Variants in WT1 observed in about 807,000 individuals in gnomAD.
WT1 encodes the protein WT1 transcription factor, also known as Wilms tumor protein.
A neutral mutation model predicts 60.8 loss-of-function variants in WT1; 8 were observed. The observed-to-expected ratio is 0.13, with a 90% CI of 0.08 to 0.24. The LOEUF (loss-of-function observed/expected upper bound fraction) is 0.24. WT1 is among the 10% of genes least tolerant of loss of function. WT1 has a pLI of 1.00. For synonymous variants in WT1, 312 were observed against 297.1 expected, an observed-to-expected ratio of 1.05 and a Z score of -0.52; for missense variants, 568 against 711.8, an observed-to-expected ratio of 0.80 and a Z score of 2.30.
At chr11:32,417,833 T>C (rs1590375906) in intron 3 of WT1, among the ~76,000 whole-genome samples, 179 bp from the exon 4 acceptor site, 1 of 152,342 alleles carries the variant, frequency 6.6e-6, no homozygotes. Context: ...TGCACAGTTA[T>C]ACACTTCATA....
chr11:32,432,716 G>A (rs11031781), intron 1 of WT1, among the ~76,000 whole-genome samples: 46,907 of 151,978 alleles, frequency 0.31, 9,771 homozygotes, highest in African/African-American at 0.59. Context: ...GAAGTGTAAT[G>A]CCTGCTGGCT....
intron 3 of WT1, among the ~76,000 whole-genome samples, chr11:32,419,157 T>A (rs1040567847): frequency 2.0e-5 from 3 of 152,236 alleles, no homozygotes; most frequent in African/African-American, 7.2e-5. Flanking sequence ...ATTCTTGCTG[T>A]AAGGCTGGAG....
intron 3 of WT1, among the ~76,000 whole-genome samples, chr11:32,417,894 G>C (rs1852729744): frequency 6.6e-6 from 1 of 152,108 alleles, no homozygotes; most frequent in Non-Finnish European, 1.5e-5. Context: ...TAAAACCTTT[G>C]TATAGCAACT....
intron 7 of WT1, among the ~76,000 whole-genome samples, chr11:32,395,331 T>C (rs1469359476): frequency 6.6e-6 from 1 of 152,210 alleles, no homozygotes; most frequent in Non-Finnish European, 1.5e-5. Flanking sequence ...GAGTAAACGT[T>C]CTGTGACATG....
chr11:32,415,340 T>A (rs1278811476), intron 5 of WT1, among the ~76,000 whole-genome samples: 1 of 151,698 alleles, frequency 6.6e-6, no homozygotes, highest in Non-Finnish European at 1.5e-5. Context: ...GCCAAGGAAC[T>A]TAAGACGAGT....
At chr11:32,414,126 A>C (rs1323822741) in intron 5 of WT1, among the ~76,000 whole-genome samples, 1 of 152,240 alleles carries the variant, frequency 6.6e-6, no homozygotes, top group Non-Finnish European at 1.5e-5. Flanking sequence ...GTGTGAGAGA[A>C]GATGGTAGGC....
intron 5 of WT1, among the ~76,000 whole-genome samples, chr11:32,412,920 C>T (rs1021190506): frequency 4.6e-5 from 7 of 151,946 alleles, no homozygotes; most frequent in Non-Finnish European, 7.4e-5. Flanking sequence ...GTATATCCCA[C>T]CTCTAACACA....
chr11:32,428,925 A>G, intron 1 of WT1: 2 of 452,684 alleles, frequency 4.4e-6, no homozygotes, highest in Non-Finnish European at 8.2e-6. Flanking sequence ...CCCCTGGCAA[A>G]TTAAGTATAA....
chr11:32,396,521 A>G, intron 6 of WT1, 114 bp from the exon 7 acceptor site: 1 of 1,342,334 alleles, frequency 7.4e-7, no homozygotes, highest in South Asian at 1.2e-5. Flanking sequence ...GCAGGTGCAG[A>G]CCTAAAACCA....
intron 5 of WT1, among the ~76,000 whole-genome samples, chr11:32,410,908 T>C (rs1419304984): frequency 1.3e-5 from 2 of 152,214 alleles, no homozygotes; most frequent in Non-Finnish European, 2.9e-5. Context: ...TCAATGTTCT[T>C]CTACCTAGAG....
intron 5 of WT1, among the ~76,000 whole-genome samples, chr11:32,415,166 C>T (rs1353803427): frequency 6.6e-6 from 1 of 152,148 alleles, no homozygotes; most frequent in Non-Finnish European, 1.5e-5. Context: ...CAAACAAGCC[C>T]CTGTATTACA....
At chr11:32,416,658 T>C in intron 4 of WT1, 118 bp from the exon 5 acceptor site, 1 of 1,275,642 alleles carries the variant, frequency 7.8e-7, no homozygotes. Flanking sequence ...AAGCTAGCTA[T>C]CAAGAGTGCT....
chr11:32,415,433 G>A (rs1852636375), intron 5 of WT1, among the ~76,000 whole-genome samples: 1 of 152,232 alleles, frequency 6.6e-6, no homozygotes, highest in Non-Finnish European at 1.5e-5. Context: ...CGGATCACCT[G>A]AGGTCGGGAG....
At chr11:32,416,108 G>C (rs1487869025) in intron 5 of WT1, among the ~76,000 whole-genome samples, 2 of 152,180 alleles carry the variant, frequency 1.3e-5, no homozygotes, top group Non-Finnish European at 2.9e-5. Flanking sequence ...TTCTCCCTGA[G>C]AGATTTAAAG....
chr11:32,412,568 G>A (rs778259683), intron 5 of WT1, among the ~76,000 whole-genome samples: 9 of 151,812 alleles, frequency 5.9e-5, no homozygotes, highest in Non-Finnish European at 1.2e-4. Context: ...AGGCTTGTTC[G>A]GAAATCAGCA....
chr11:32,415,764 A>T (rs5030217), intron 5 of WT1, among the ~76,000 whole-genome samples: 4,769 of 152,312 alleles, frequency 0.031, 120 homozygotes, highest in Middle Eastern at 0.061. Context: ...TGTGGTCCAG[A>T]GAGAGGAAGA....
intron 5 of WT1, among the ~76,000 whole-genome samples, chr11:32,414,683 G>A (rs1409492345): frequency 1.3e-5 from 2 of 152,064 alleles, no homozygotes; most frequent in Non-Finnish European, 2.9e-5. Flanking sequence ...GACCAGCCTG[G>A]CCAACATGGC....
At position 32,388,817 on chromosome 11, in the gene WT1, A is replaced by G. The variant is rs1020107898; in HGVS notation, c.*241T>C. The G allele has an allele frequency of 6.3e-6, 4 of 635,244 alleles. No individual in the cohort carries two copies. Among genetic ancestry groups the G allele is most frequent in the Middle Eastern group, 4.4e-4 (1 of 2,260 alleles). The allele number at this position is 635,244 out of a possible 1,614,324, so 39.4% of individuals were successfully genotyped here. ...ACCAAATGGCAATGGGCTTTTAACT[A>G]ACCAGACATTGTTAGCTGCTTCTCC... On this transcript the variant is annotated 3_prime_UTR_variant, in exon 10 of 10. Transcript: ENST00000452863.
intron 1 of WT1, among the ~76,000 whole-genome samples, chr11:32,432,384 A>G (rs1009673837): frequency 1.3e-5 from 2 of 152,316 alleles, no homozygotes; most frequent in South Asian, 4.1e-4. Context: ...AACCCTGGAA[A>G]TCCAAAGAAT....
Sources: gnomAD v4.1 joint callset for allele counts (sites outside exome capture counted in the v4.1 genomes callset) on GRCh38, gnomAD v4.1.1 for gene constraint, MANE v1.5 for transcripts, NCBI Gene and HGNC (gene_info 2026-07-23, HGNC 2026-07-21) for gene names.